TAF8: variants seen among roughly 807,000 people sequenced by gnomAD.
The protein encoded by TAF8 is transcription initiation factor TFIID subunit 8.
In TAF8, 47 loss-of-function variants were observed where a neutral mutation model predicts 36.5. The ratio of observed to expected loss-of-function variants is 1.29; its 90% CI spans 1.02 to 1.64. TAF8 has a LOEUF of 1.64. TAF8 is among the 40% of genes most tolerant of loss of function. The pLI is 0.00. For synonymous variants in TAF8, 175 were observed against 159.5 expected, an observed-to-expected ratio of 1.10 and a Z score of -0.73; for missense variants, 420 against 407.6, an observed-to-expected ratio of 1.03 and a Z score of -0.26.
chr6:42,066,936 T>C (rs1325191072), intron 6 of TAF8, among the ~76,000 whole-genome samples: 1 of 152,186 alleles, frequency 6.6e-6, no homozygotes, highest in Non-Finnish European at 1.5e-5. Flanking sequence ...AGCAAGCTCC[T>C]GTGGAACGCC....
At chr6:42,086,475 G>A (rs994063544), downstream of TAF8, among the ~76,000 whole-genome samples, 1 of 152,218 alleles carries the variant, frequency 6.6e-6, no homozygotes, top group South Asian at 2.1e-4. Context: ...CGGGAGCACC[G>A]TGGCCACCAC....
chr6:42,061,949 T>A (rs1252965001), intron 5 of TAF8, among the ~76,000 whole-genome samples: 1 of 152,196 alleles, frequency 6.6e-6, no homozygotes, highest in Non-Finnish European at 1.5e-5. Flanking sequence ...AAAATTTTTT[T>A]GTAAAGAAAA....
chr6:42,086,655 C>A (rs1406096948), downstream of TAF8: 157 of 1,526,626 alleles, frequency 1.0e-4, no homozygotes, highest in Non-Finnish European at 1.4e-4. Context: ...CCCTCTTCCA[C>A]CACCCTCTCC....
intron 5 of TAF8, 122 bp downstream of exon 5, chr6:42,057,635 T>A (rs1419211647): frequency 7.3e-6 from 10 of 1,370,402 alleles, no homozygotes; most frequent in Middle Eastern, 2.0e-4. Context: ...AAACTCAGAA[T>A]GTGGCCGGGC....
chr6:42,068,405 T>C, intron 6 of TAF8, 60 bp from the exon 7 acceptor site: 2 of 1,604,402 alleles, frequency 1.2e-6, no homozygotes, highest in Non-Finnish European at 1.7e-6. Flanking sequence ...GCTCTAGGAC[T>C]CTAAGCCAGC....
rs1034494795 is a variant in TAF8, at chr6:42,081,873, C to T, written c.*4328C>T. On this transcript the variant is annotated 3_prime_UTR_variant, in exon 9 of 9. Transcript: ENST00000372977. ...TTAATCTAAATGTGTCTATACGTATCTCTGATTGATCTTTCTTTAAATTTT... is the reference window on the plus strand; with the variant it reads ...TTAATCTAAATGTGTCTATACGTATTTCTGATTGATCTTTCTTTAAATTTT... The T allele has an allele frequency of 3.9e-5, 6 of 152,196 alleles. No homozygotes were observed. Among genetic ancestry groups the T allele is most frequent in the Admixed American group, 2.6e-4 (4 of 15,280 alleles). The allele number at this position is 152,196 out of a possible 1,614,324, so 9.4% of individuals were successfully genotyped here.
chr6:42,060,329 A>G (rs1442098120), intron 5 of TAF8, among the ~76,000 whole-genome samples: 2 of 152,206 alleles, frequency 1.3e-5, no homozygotes, highest in Non-Finnish European at 2.9e-5. Flanking sequence ...ACAAATCATG[A>G]TACAACTGAT....
chr6:42,050,609 C>G, intron 1 of TAF8, 23 bp downstream of exon 1: 1 of 1,542,076 alleles, frequency 6.5e-7, no homozygotes, highest in Non-Finnish European at 8.7e-7. Context: ...AGCGCGGGCT[C>G]GGAGCCGAGA....
downstream of TAF8, chr6:42,086,683 T>C (rs937412781): frequency 4.6e-5 from 71 of 1,550,702 alleles, no homozygotes; most frequent in Middle Eastern, 1.7e-4. Context: ...CCAAATAGAA[T>C]GAGCAAAGCG....
At chr6:42,084,462 C>T (rs933240534), downstream of TAF8, among the ~76,000 whole-genome samples, 7 of 151,950 alleles carry the variant, frequency 4.6e-5, no homozygotes. Flanking sequence ...TTTTTTGAGA[C>T]GGAATCTCAC....
At chr6:42,070,872 CCTT>C (rs555155149) in intron 7 of TAF8, among the ~76,000 whole-genome samples, 4 of 152,102 alleles carry the variant, frequency 2.6e-5, no homozygotes, top group Admixed American at 6.6e-5. Flanking sequence ...GAGGGACTAG[CCTT>C]CTTCTGGACA....
At chr6:42,074,953 C>T (rs1014231609) in intron 7 of TAF8, among the ~76,000 whole-genome samples, 8 of 152,024 alleles carry the variant, frequency 5.3e-5, no homozygotes, top group African/African-American at 1.9e-4. Context: ...AGCCTGCCGT[C>T]CTGCTCTTGT....
intron 2 of TAF8, among the ~76,000 whole-genome samples, chr6:42,053,514 A>G (rs1452635601): frequency 1.3e-5 from 2 of 151,566 alleles, no homozygotes; most frequent in Non-Finnish European, 2.9e-5. Flanking sequence ...GCATTGAGCC[A>G]AGATCACACC....
intron 7 of TAF8, among the ~76,000 whole-genome samples, chr6:42,070,078 A>C (rs1207973966): frequency 6.6e-6 from 1 of 152,126 alleles, no homozygotes; most frequent in African/African-American, 2.4e-5. Context: ...GAGAGCGAAG[A>C]CCTGGAGTAA....
intron 6 of TAF8, among the ~76,000 whole-genome samples, chr6:42,066,767 G>C (rs764187711): frequency 4.6e-5 from 7 of 152,136 alleles, no homozygotes; most frequent in Non-Finnish European, 7.3e-5. Flanking sequence ...TTGGCATCAG[G>C]GGCCAGTTGC....
intron 7 of TAF8, among the ~76,000 whole-genome samples, chr6:42,073,333 G>A (rs184529873): frequency 1.3e-5 from 2 of 152,274 alleles, no homozygotes; most frequent in East Asian, 3.9e-4. Flanking sequence ...ATTTTTTCTG[G>A]CTGCTTGGGA....
chr6:42,060,552 T>C (rs1562012647), intron 5 of TAF8, among the ~76,000 whole-genome samples: 3 of 152,202 alleles, frequency 2.0e-5, no homozygotes, highest in Non-Finnish European at 4.4e-5. Context: ...TGTCTCCTCT[T>C]GAGGTCCCAA....
intron 5 of TAF8, among the ~76,000 whole-genome samples, chr6:42,061,895 C>T (rs367932033): frequency 6.6e-6 from 1 of 152,084 alleles, no homozygotes; most frequent in African/African-American, 2.4e-5. Context: ...AATAGAATCC[C>T]AGGTCACCAT....
chr6:42,079,229 C>T lies in TAF8; in HGVS notation c.*1684C>T. The T allele has an allele frequency of 1.0e-6, 1 of 985,506 alleles. No homozygotes were observed. Among genetic ancestry groups the T allele is most frequent in the Non-Finnish European group, 1.2e-6 (1 of 829,976 alleles). The allele number at this position is 985,506 out of a possible 1,614,324, so 61.0% of individuals were successfully genotyped here. ...TTGTATTCTGAAAGCTGAGAAACGG[C>T]TGGTCAGCTGGAAGGCTGGTGGATG... On this transcript the variant is annotated 3_prime_UTR_variant, in exon 9 of 9. Coordinates refer to ENST00000372977, the MANE Select transcript of TAF8 (RefSeq NM_138572.3).
Sources: allele counts gnomAD v4.1 joint callset (sites outside exome capture counted in the v4.1 genomes callset), GRCh38; gene constraint gnomAD v4.1.1; transcripts MANE v1.5; gene names NCBI Gene and HGNC (gene_info 2026-07-23, HGNC 2026-07-21).